Variants in BRIP1 observed in about 807,000 individuals in gnomAD.
BRIP1 encodes the protein BRCA1 interacting DNA helicase 1, also known as Fanconi anemia group J protein.
A neutral mutation model predicts 119.7 loss-of-function variants in BRIP1; 88 were observed. The ratio of observed to expected loss-of-function variants is 0.74; its 90% CI spans 0.62 to 0.88. The LOEUF is 0.88. Among genes scored for constraint, BRIP1 ranks in the 40% least tolerant of loss-of-function variants. BRIP1 has a pLI of 0.00. For synonymous variants in BRIP1, 443 were observed against 496.5 expected (o/e 0.89, Z 1.43); for missense variants, 1,259 against 1,455.4 (o/e 0.87, Z 2.20).
chr17:61,795,655 TTGA>T lies in BRIP1; in HGVS notation c.1341-1929_1341-1927del, dbSNP rs1270284994. On this transcript the variant is annotated intron_variant, in intron 9 of 19. Transcript: ENST00000259008. This position sits in a 1 kb window ranked among gnomAD's most constrained non-coding sequence, Gnocchi z 5.6. ...CACATTTTCTTTATCCATTCATCTG[TTGA>T]TGGACATTTAGGCTGCTTTCAAATC... Among the ~76,000 whole-genome samples, 1 of 152,198 alleles carries T rather than the reference TTGA, an allele frequency of 6.6e-6. No homozygotes were observed. The highest frequency in any genetic ancestry group is 2.4e-5 in the African/African-American group (1 of 41,462).
intron 16 of BRIP1, among the ~76,000 whole-genome samples, chr17:61,716,988 TG>T (rs2144405868): frequency 6.6e-6 from 1 of 152,196 alleles, no homozygotes; most frequent in African/African-American, 2.4e-5. Flanking sequence ...TTTATGCTAT[TG>T]CTGCCATACA....
In BRIP1 at chr17:61,748,549, G is replaced by A. The variant is rs544746208; in HGVS notation, c.2098-3958C>T. Among the ~76,000 whole-genome samples the A allele has an allele frequency of 6.6e-5, 10 of 152,252 alleles. No individual in the cohort carries two copies. Among genetic ancestry groups the A allele is most frequent in the South Asian group, 4.2e-4 (2 of 4,818 alleles). ...AAAGAACAACAAAGCTAGAGGCATCGTGCTTCATGACACTTACATCTTACA... is the reference window on the plus strand; with the variant it reads ...AAAGAACAACAAAGCTAGAGGCATCATGCTTCATGACACTTACATCTTACA... On this transcript the variant is annotated intron_variant, in intron 14 of 19. Coordinates refer to ENST00000259008, the MANE Select transcript of BRIP1 (RefSeq NM_032043.3). The surrounding 1 kb of genome is among the most constrained non-coding windows in gnomAD (Gnocchi z 4.7).
At chr17:61,782,388 GAAA>G (rs10661242) in intron 11 of BRIP1, among the ~76,000 whole-genome samples, 2 of 113,054 alleles carry the variant, frequency 1.8e-5, no homozygotes, top group Non-Finnish European at 1.7e-5. Flanking sequence ...TCCCGTCTCA[GAAA>G]AAAAAAAAAA....
At chr17:61,797,487 G>A (rs184729561) in intron 9 of BRIP1, among the ~76,000 whole-genome samples, 14 of 152,086 alleles carry the variant, frequency 9.2e-5, no homozygotes, top group South Asian at 4.2e-4. Flanking sequence ...AACAATTTGC[G>A]TAGAATTGTC....
chr17:61,856,910 CTG>C lies in BRIP1; in HGVS notation c.379+146_379+147del, dbSNP rs1311763963. ...AAACGTCTATGGATTTTTGACCACT[CTG>C]TGCTATTTTAAAATCATTCCAGAGA... On this transcript the variant is annotated intron_variant, in intron 4 of 19. Transcript: ENST00000259008. This position sits in a 1 kb window ranked among gnomAD's most constrained non-coding sequence, Gnocchi z 5.1. The C allele has an allele frequency of 2.5e-6, 2 of 787,478 alleles. No individual in the cohort carries two copies. Among genetic ancestry groups the C allele is most frequent in the East Asian group, 2.6e-5 (1 of 38,206 alleles). 48.8% of individuals were successfully genotyped at this position (787,478 alleles called of 1,614,324 possible). A position where few individuals can be genotyped will look rare whatever the true frequency, so the allele number is the denominator to read the frequency against.
At chr17:61,741,621 C>T (rs1437761791) in intron 16 of BRIP1, among the ~76,000 whole-genome samples, 1 of 152,172 alleles carries the variant, frequency 6.6e-6, no homozygotes, top group Non-Finnish European at 1.5e-5. Context: ...TGTACATCTC[C>T]ATAGAGTTCT....
rs1440911462 is a variant in BRIP1, at chr17:61,780,436, C to CT, written c.1795-36dup. 6.3e-7 allele frequency: 1 copy of CT among 1,582,978 alleles called. No individual in the cohort carries two copies. Among genetic ancestry groups the CT allele is most frequent in the African/African-American group, 1.3e-5 (1 of 74,128 alleles). Reference sequence around the variant, plus strand: ...AACAACATTAGATAAATAAAATTATCTTTAGAAGAGGCTGGGCAAAGTGGC... The same window carrying CT: ...AACAACATTAGATAAATAAAATTATCTTTTAGAAGAGGCTGGGCAAAGTGGC... On this transcript the variant is annotated intron_variant, in intron 12 of 19. Coordinates refer to ENST00000259008, the MANE Select transcript of BRIP1 (RefSeq NM_032043.3). This position sits in a 1 kb window ranked among gnomAD's most constrained non-coding sequence, Gnocchi z 5.4.
rs191588073 is a variant in BRIP1, at chr17:61,779,870, T to C, written c.1935+391A>G. Among the ~76,000 whole-genome samples the C allele has an allele frequency of 2.7e-5, 4 of 150,036 alleles. No individual in the cohort carries two copies. In the East Asian group the frequency reaches 8.0e-4, roughly 30 times the overall value. ...ACTTGAGAGGCTGAAGCAGGAGAAT[T>C]GCTTAAACACGAGTGAGCCAAGATC... On this transcript the variant is annotated intron_variant, in intron 13 of 19. Coordinates refer to ENST00000259008, the MANE Select transcript of BRIP1 (RefSeq NM_032043.3).
At chr17:61,836,710 A>G (rs1468575998) in intron 6 of BRIP1, among the ~76,000 whole-genome samples, 2 of 152,244 alleles carry the variant, frequency 1.3e-5, no homozygotes, top group African/African-American at 4.8e-5. Context: ...AGTTAAACCT[A>G]CAAATAAATA....
intron 11 of BRIP1, 111 bp downstream of exon 11, chr17:61,784,159 G>T: frequency 3.2e-6 from 3 of 934,320 alleles, no homozygotes; most frequent in Admixed American, 2.2e-5. Flanking sequence ...TATAACACTT[G>T]TTTTCAATTC....
At position 61,860,722 on chromosome 17, in the gene BRIP1, C is replaced by A. The variant is rs557856235; in HGVS notation, c.93+725G>T. 6.6e-6 allele frequency among the ~76,000 whole-genome samples: 1 copy of A among 152,246 alleles called. No homozygotes were observed. Among genetic ancestry groups the A allele is most frequent in the Non-Finnish European group, 1.5e-5 (1 of 68,008 alleles). On this transcript the variant is annotated intron_variant, in intron 2 of 19. Transcript: ENST00000259008. The surrounding 1 kb of genome is among the most constrained non-coding windows in gnomAD (Gnocchi z 4.1). ...GTTTGTAACTGCAAAAGAATGTAAACAACCTAAATGTCTACCAATAAGAAA... is the reference window on the plus strand; with the variant it reads ...GTTTGTAACTGCAAAAGAATGTAAAAAACCTAAATGTCTACCAATAAGAAA...
rs866326245 is a variant in BRIP1, at chr17:61,742,486, G to A, written c.2379+527C>T. Among the ~76,000 whole-genome samples, 11 of 152,048 alleles carry A rather than the reference G, an allele frequency of 7.2e-5. No individual in the cohort carries two copies. The highest frequency in any genetic ancestry group is 2.7e-4 in the African/African-American group (11 of 41,356). The stretch of plus-strand genomic sequence containing the variant: ...TGCTCACTAAGCTTAATCATGTCTC[G>A]CCTTTGATTTAAAGTAGGAAGCATG... On this transcript the variant is annotated intron_variant, in intron 16 of 19. Transcript: ENST00000259008. This position sits in a 1 kb window ranked among gnomAD's most constrained non-coding sequence, Gnocchi z 4.7.
In BRIP1 at chr17:61,778,406, G is replaced by A. The variant is rs1010992308; in HGVS notation, c.1936-1844C>T. 2.0e-5 allele frequency among the ~76,000 whole-genome samples: 3 copies of A among 152,050 alleles called. No homozygotes were observed. The highest frequency in any genetic ancestry group is 7.2e-5 in the African/African-American group (3 of 41,396). On this transcript the variant is annotated intron_variant, in intron 13 of 19. Coordinates refer to ENST00000259008, the MANE Select transcript of BRIP1 (RefSeq NM_032043.3). The surrounding 1 kb of genome is among the most constrained non-coding windows in gnomAD (Gnocchi z 4.4). ...TTCAAGAGGAGAAAGTCTTGAGATTGGTTGCACAACAACATATACATACTT... is the reference window on the plus strand; with the variant it reads ...TTCAAGAGGAGAAAGTCTTGAGATTAGTTGCACAACAACATATACATACTT...
rs956553875 is a variant in BRIP1 at position 61,713,868 on chromosome 17, T to C, written c.2492+2083A>G. Among the ~76,000 whole-genome samples, 3 of 151,618 alleles carry C rather than the reference T, an allele frequency of 2.0e-5. No individual in the cohort carries two copies. Among genetic ancestry groups the C allele is most frequent in the Non-Finnish European group, 4.4e-5 (3 of 67,914 alleles). On this transcript the variant is annotated intron_variant, in intron 17 of 19. Transcript: ENST00000259008. This position sits in a 1 kb window ranked among gnomAD's most constrained non-coding sequence, Gnocchi z 4.9. ...GTTTAAAAAGTAAAAAAATAAAAAA[T>C]AAAAATTTCAAAAATAGAAAAAGCT...
rs150051476 is a variant in BRIP1, at chr17:61,829,504, C to CAAAA, written c.627+17593_627+17596dup. 3.5e-4 allele frequency among the ~76,000 whole-genome samples: 53 copies of CAAAA among 150,438 alleles called. No individual in the cohort carries two copies. In the South Asian group the frequency reaches 3.6e-3, roughly 10 times the overall value. Reference sequence around the variant, plus strand: ...TTCTCTAATTAATTTATAAGTAGACCAAAAAAAACCAGCAAGGATACAGAA... The same window carrying CAAAA: ...TTCTCTAATTAATTTATAAGTAGACCAAAAAAAAAAAACCAGCAAGGATACAGAA... On this transcript the variant is annotated intron_variant, in intron 6 of 19. Coordinates refer to ENST00000259008, the MANE Select transcript of BRIP1 (RefSeq NM_032043.3).
rs995380259 is a variant in BRIP1, at chr17:61,806,855, G to A, written c.918+1612C>T. On this transcript the variant is annotated intron_variant, in intron 7 of 19. Transcript: ENST00000259008. The surrounding 1 kb of genome is among the most constrained non-coding windows in gnomAD (Gnocchi z 4.9). ...TGGGATTACAAGCATGCGCCACCAC[G>A]CCCAGCTAATTTTTTGTATTTTTAG... 6.6e-6 allele frequency among the ~76,000 whole-genome samples: 1 copy of A among 152,020 alleles called. No homozygotes were observed. The highest frequency in any genetic ancestry group is 2.4e-5 in the African/African-American group (1 of 41,386).
rs2077043068 is a variant in BRIP1, at chr17:61,745,182, G to A, written c.2098-591C>T. Among the ~76,000 whole-genome samples the A allele has an allele frequency of 6.6e-6, 1 of 152,112 alleles. No individual in the cohort carries two copies. The highest frequency in any genetic ancestry group is 1.5e-5 in the Non-Finnish European group (1 of 68,014). ...ATAGAAATAAAGACTCAGCCAAGAA[G>A]TAGAAAATATATGGGCACAAATGGA... On this transcript the variant is annotated intron_variant, in intron 14 of 19. Transcript: ENST00000259008. The surrounding 1 kb of genome is among the most constrained non-coding windows in gnomAD (Gnocchi z 4.4).
At position 61,743,421 on chromosome 17, in the gene BRIP1, G is replaced by A. The variant is rs2077013757; in HGVS notation, c.2258-287C>T. 6.6e-6 allele frequency among the ~76,000 whole-genome samples: 1 copy of A among 152,096 alleles called. No homozygotes were observed. The highest frequency in any genetic ancestry group is 1.5e-5 in the Non-Finnish European group (1 of 68,014). ...CAGAATAGCAACTTGCATATGAACT[G>A]TGTGATTATAAACAGGTTTATTTAA... On this transcript the variant is annotated intron_variant, in intron 15 of 19. Transcript: ENST00000259008. The surrounding 1 kb of genome is among the most constrained non-coding windows in gnomAD (Gnocchi z 4.3).
rs1567837398 is a variant in BRIP1 at position 61,808,302 on chromosome 17, A to G, written c.918+165T>C. ...AAATCCCATACTTTAAAACTTGACT[A>G]AAGATTTTATTACAGGAAAATTGTT... is the stretch of plus-strand genomic sequence containing the variant. On this transcript the variant is annotated intron_variant, in intron 7 of 19. Transcript: ENST00000259008. This position sits in a 1 kb window ranked among gnomAD's most constrained non-coding sequence, Gnocchi z 4.1. Among the ~76,000 whole-genome samples the G allele has an allele frequency of 6.6e-6, 1 of 152,234 alleles. No homozygotes were observed. Among genetic ancestry groups the G allele is most frequent in the Non-Finnish European group, 1.5e-5 (1 of 68,032 alleles).
Sources: gnomAD v4.1 joint callset for allele counts (sites outside exome capture counted in the v4.1 genomes callset) on GRCh38, gnomAD v4.1.1 for gene constraint, Gnocchi (gnomAD v3.1) non-coding constraint, MANE v1.5 for transcripts, NCBI Gene and HGNC (gene_info 2026-07-23, HGNC 2026-07-21) for gene names.